The following SLC35D3 variants were observed in gnomAD, a reference collection of about 807,000 sequenced individuals.
SLC35D3 encodes solute carrier family 35 member D3.
A neutral mutation model predicts 20.3 loss-of-function variants in SLC35D3; 18 were observed. The observed-to-expected ratio is 0.89, with a 90% CI of 0.61 to 1.32. The LOEUF (loss-of-function observed/expected upper bound fraction) is 1.32, where lower values mean the gene tolerates loss of function less well. Among genes scored for constraint, SLC35D3 ranks in the 40% most tolerant of loss-of-function variants. The pLI, the probability that SLC35D3 is intolerant of heterozygous loss-of-function variation, is 0.00. For synonymous variants in SLC35D3, 313 were observed against 263.5 expected (o/e 1.19, Z -1.82); for missense variants, 556 against 565.5 (o/e 0.98, Z 0.17).
In SLC35D3 at chr6:136,924,253, G is replaced by A. The variant is rs1310064908; in HGVS notation, c.808G>A (p.Gly270Ser). The A allele has an allele frequency of 6.2e-7, 1 of 1,614,066 alleles. No homozygotes were observed. Residue 270 changes from glycine (G) to serine (S), a missense_variant, in exon 2 of 2, where the codon GGC becomes AGC. Coordinates refer to ENST00000331858, the MANE Select transcript of SLC35D3 (RefSeq NM_001008783.3). ...VVKSIATITV[G>S]MVAFSDVEPT... is the part of the protein sequence containing the mutation. Reference sequence around the variant, plus strand: ...GAAGAGCATCGCCACCATCACGGTGGGCATGGTGGCCTTCAGCGACGTGGA... The same window carrying A: ...GAAGAGCATCGCCACCATCACGGTGAGCATGGTGGCCTTCAGCGACGTGGA...
chr6:136,922,906 C>G lies in SLC35D3; in HGVS notation c.439+39C>G. 2 of 1,480,834 alleles carry G rather than the reference C, an allele frequency of 1.4e-6. No homozygotes were observed. The highest frequency in any genetic ancestry group is 1.8e-6 in the Non-Finnish European group (2 of 1,123,822). 91.7% of individuals were successfully genotyped at this position (1,480,834 alleles called of 1,614,324 possible). ...CGCGCCGACCCCCAGCCGACCCCAC[C>G]CACCCCGCTCCGTCGGGCAGAGACC... On this transcript the variant is annotated intron_variant, in intron 1 of 1. Transcript: ENST00000331858. The surrounding 1 kb of genome is among the most constrained non-coding windows in gnomAD (Gnocchi z 6.8).
chr6:136,924,110 A>T lies in SLC35D3; in HGVS notation c.665A>T (p.Asp222Val). 6.2e-7 allele frequency: 1 copy of T among 1,612,566 alleles called. No individual in the cohort carries two copies. The change falls in exon 2 of 2, where the codon GAC (aspartate) becomes GTC (valine). Residue 222 changes from aspartate (D) to valine (V), a missense_variant. By Grantham distance (152) the Asp-to-Val change is radical (BLOSUM62 -3). Coordinates refer to ENST00000331858, the MANE Select transcript of SLC35D3 (RefSeq NM_001008783.3). ...IHAWTFPGWKDPAMVCIFVAC... is the reference protein window; with the variant it reads ...IHAWTFPGWKVPAMVCIFVAC... ...GCCTGGACCTTCCCGGGCTGGAAGGACCCGGCCATGGTCTGCATCTTCGTG... is the reference window on the plus strand; with the variant it reads ...GCCTGGACCTTCCCGGGCTGGAAGGTCCCGGCCATGGTCTGCATCTTCGTG...
rs1776083346 is a variant in SLC35D3 at position 136,922,913 on chromosome 6, G to T, written c.439+46G>T. ...ACCCCCAGCCGACCCCACCCACCCC[G>T]CTCCGTCGGGCAGAGACCGCGGGGA... On this transcript the variant is annotated intron_variant, in intron 1 of 1. Transcript: ENST00000331858. The surrounding 1 kb of genome is among the most constrained non-coding windows in gnomAD (Gnocchi z 6.8). 2 of 1,460,790 alleles carry T rather than the reference G, an allele frequency of 1.4e-6. No homozygotes were observed. The highest frequency in any genetic ancestry group is 2.4e-5 in the Admixed American group (1 of 41,984). 90.5% of individuals were successfully genotyped at this position (1,460,790 alleles called of 1,614,324 possible). A position where few individuals can be genotyped will look rare whatever the true frequency, so the allele number is the denominator to read the frequency against.
At position 136,925,050 on chromosome 6, in the gene SLC35D3, A is replaced by G. The variant is rs1305627179; in HGVS notation, c.*354A>G. ...CCCCCTCCAAAGATGGAGTGTAGAAATGATGACAGCACTTAGTAAGTTCAA... is the reference window on the plus strand; with the variant it reads ...CCCCCTCCAAAGATGGAGTGTAGAAGTGATGACAGCACTTAGTAAGTTCAA... On this transcript the variant is annotated 3_prime_UTR_variant, in exon 2 of 2. Coordinates refer to ENST00000331858, the MANE Select transcript of SLC35D3 (RefSeq NM_001008783.3). The G allele has an allele frequency of 5.5e-6, 1 of 183,100 alleles. No homozygotes were observed. The highest frequency in any genetic ancestry group is 1.1e-5 in the Non-Finnish European group (1 of 86,986). 11.3% of individuals were successfully genotyped at this position (183,100 alleles called of 1,614,324 possible). A position where few individuals can be genotyped will look rare whatever the true frequency, so the allele number is the denominator to read the frequency against.
At position 136,922,876 on chromosome 6, in the gene SLC35D3, G is replaced by C; in HGVS notation, c.439+9G>C. 2 of 1,519,256 alleles carry C rather than the reference G, an allele frequency of 1.3e-6. No homozygotes were observed. Among genetic ancestry groups the C allele is most frequent in the Non-Finnish European group, 1.8e-6 (2 of 1,139,184 alleles). 94.1% of individuals were successfully genotyped at this position (1,519,256 alleles called of 1,614,324 possible). A position where few individuals can be genotyped will look rare whatever the true frequency, so the allele number is the denominator to read the frequency against. The stretch of plus-strand genomic sequence containing the variant: ...CGGCGCCGCCCTGGCAGGTGAGCGG[G>C]CCCCCGCGCCGACCCCCAGCCGACC... On this transcript the variant is annotated intron_variant, in intron 1 of 1. Transcript: ENST00000331858. This position sits in a 1 kb window ranked among gnomAD's most constrained non-coding sequence, Gnocchi z 6.8.
Position 136,924,768 on chromosome 6 carries a change from A to C in SLC35D3, c.*72A>C. 1 of 1,384,942 alleles carries C rather than the reference A, an allele frequency of 7.2e-7. No homozygotes were observed. The allele number at this position is 1,384,942 out of a possible 1,614,324, so 85.8% of individuals were successfully genotyped here. On this transcript the variant is annotated 3_prime_UTR_variant, in exon 2 of 2. Coordinates refer to ENST00000331858, the MANE Select transcript of SLC35D3 (RefSeq NM_001008783.3). ...GTTAGAAATGACGTGTTTTAATGAG[A>C]GGCCTCCCCGTTTTATTCTTTGAGG...
Position 136,924,664 on chromosome 6 carries a change from T to C in SLC35D3, c.1219T>C (p.Leu407=). ...RGTRYMKKDY[L]IENEELPSP The stretch of plus-strand genomic sequence containing the variant: ...AACCAGGTATATGAAGAAGGATTAT[T>C]TGATAGAAAACGAGGAGTTACCCAG... The change falls in exon 2 of 2, where the codon TTG becomes CTG. Residue 407 remains leucine, a synonymous_variant. Coordinates refer to ENST00000331858, the MANE Select transcript of SLC35D3 (RefSeq NM_001008783.3). 6.2e-7 allele frequency: 1 copy of C among 1,613,298 alleles called. No individual in the cohort carries two copies. The highest frequency in any genetic ancestry group is 8.5e-7 in the Non-Finnish European group (1 of 1,179,544).
Position 136,923,870 on chromosome 6 carries a change from C to A in SLC35D3, c.440-15C>A. 6.7e-7 allele frequency: 1 copy of A among 1,499,640 alleles called. No individual in the cohort carries two copies. Among genetic ancestry groups the A allele is most frequent in the Non-Finnish European group, 8.9e-7 (1 of 1,123,152 alleles). 92.9% of individuals were successfully genotyped at this position (1,499,640 alleles called of 1,614,324 possible). On this transcript the variant is annotated splice_polypyrimidine_tract_variant and intron_variant, in intron 1 of 1. Coordinates refer to ENST00000331858, the MANE Select transcript of SLC35D3 (RefSeq NM_001008783.3). The surrounding 1 kb of genome is among the most constrained non-coding windows in gnomAD (Gnocchi z 6.2). ...CTTCCCGCCCGGGCTCGGCCGTCCTCCTCGTGCGCCGCAGGAGCCGGCGAC... is the reference window on the plus strand; with the variant it reads ...CTTCCCGCCCGGGCTCGGCCGTCCTACTCGTGCGCCGCAGGAGCCGGCGAC...
chr6:136,924,063 CGCCA>C lies in SLC35D3; in HGVS notation c.621_624del (p.Ser208ProfsTer26). The C allele has an allele frequency of 6.2e-7, 1 of 1,610,532 alleles. No individual in the cohort carries two copies. Among genetic ancestry groups the C allele is most frequent in the Non-Finnish European group, 8.5e-7 (1 of 1,179,254 alleles). On this transcript the variant is annotated frameshift_variant, in exon 2 of 2. Coordinates refer to ENST00000331858, the MANE Select transcript of SLC35D3 (RefSeq NM_001008783.3). LOFTEE classifies it high-confidence loss of function. Reference sequence around the variant, plus strand: ...CCCCGCTGCTGGTCATCTGCTCCTTCGCCAGCACCGACTCCATCCACGCCTGGAC... The same window carrying C: ...CCCCGCTGCTGGTCATCTGCTCCTTCGCACCGACTCCATCCACGCCTGGAC...
rs1776078279 is a variant in SLC35D3 at position 136,922,638 on chromosome 6, C to G, written c.210C>G (p.Phe70Leu). ...RRLGLIAVPP[F>L]GLSLARSFAG... is the part of the protein sequence containing the mutation. The stretch of plus-strand genomic sequence containing the variant: ...TCGGGCTCATCGCCGTGCCCCCCTT[C>G]GGTCTGAGCCTGGCGCGCTCCTTCG... Residue 70 changes from phenylalanine to leucine, a missense_variant, in exon 1 of 2, where the codon TTC becomes TTG. By Grantham distance (22) the Phe-to-Leu change is conservative. Coordinates refer to ENST00000331858, the MANE Select transcript of SLC35D3 (RefSeq NM_001008783.3). This position sits in a 1 kb window ranked among gnomAD's most constrained non-coding sequence, Gnocchi z 6.8. 1.2e-6 allele frequency: 2 copies of G among 1,609,684 alleles called. No homozygotes were observed. Among genetic ancestry groups the G allele is most frequent in the African/African-American group, 1.3e-5 (1 of 74,900 alleles).
chr6:136,922,633 C>A lies in SLC35D3; in HGVS notation c.205C>A (p.Pro69Thr), dbSNP rs778298738. ...GCGCCTCGGGCTCATCGCCGTGCCC[C>A]CCTTCGGTCTGAGCCTGGCGCGCTC... ...LRRLGLIAVP[P>T]FGLSLARSFA... Residue 69 changes from proline to threonine, a missense_variant, in exon 1 of 2, where the codon CCC becomes ACC. By Grantham distance (38) the Pro-to-Thr change is conservative (BLOSUM62 -1). Coordinates refer to ENST00000331858, the MANE Select transcript of SLC35D3 (RefSeq NM_001008783.3). This position sits in a 1 kb window ranked among gnomAD's most constrained non-coding sequence, Gnocchi z 6.8. 1.4e-5 allele frequency: 22 copies of A among 1,610,174 alleles called. No homozygotes were observed. The highest frequency in any genetic ancestry group is 1.6e-4 in the Middle Eastern group (1 of 6,068).
chr6:136,924,041 C>A lies in SLC35D3; in HGVS notation c.596C>A (p.Pro199Gln). 6.2e-7 allele frequency: 1 copy of A among 1,607,334 alleles called. No individual in the cohort carries two copies. The highest frequency in any genetic ancestry group is 2.2e-5 in the East Asian group (1 of 44,552). ...AQYVIAVSAT[P>Q]LLVICSFAST... ...TACGTCATCGCCGTCTCTGCCACCCCGCTGCTGGTCATCTGCTCCTTCGCC... is the reference window on the plus strand; with the variant it reads ...TACGTCATCGCCGTCTCTGCCACCCAGCTGCTGGTCATCTGCTCCTTCGCC... The change falls in exon 2 of 2, where the codon CCG becomes CAG. Residue 199 changes from proline (P) to glutamine (Q), a missense_variant. By Grantham distance (76) the Pro-to-Gln change is moderately conservative. Coordinates refer to ENST00000331858, the MANE Select transcript of SLC35D3 (RefSeq NM_001008783.3).
rs919679754 is a variant in SLC35D3 at position 136,924,857 on chromosome 6, C to G, written c.*161C>G. The G allele has an allele frequency of 1.1e-5, 7 of 665,390 alleles. No individual in the cohort carries two copies. Among genetic ancestry groups the G allele is most frequent in the Non-Finnish European group, 1.7e-5 (7 of 415,810 alleles). The allele number at this position is 665,390 out of a possible 1,614,324, so 41.2% of individuals were successfully genotyped here. On this transcript the variant is annotated 3_prime_UTR_variant, in exon 2 of 2. Transcript: ENST00000331858. ...TGACACAGAGCAACAAAATTAGCAC[C>G]TGTGTGAATTATTTAGTGTGACTTC...
chr6:136,924,532 G>A lies in SLC35D3; in HGVS notation c.1087G>A (p.Val363Ile). 6.2e-7 allele frequency: 1 copy of A among 1,613,414 alleles called. No individual in the cohort carries two copies. Among genetic ancestry groups the A allele is most frequent in the East Asian group, 2.2e-5 (1 of 44,872 alleles). The change falls in exon 2 of 2, where the codon GTC becomes ATC. Residue 363 changes from valine to isoleucine, a missense_variant. By Grantham distance (29) the Val-to-Ile change is conservative (BLOSUM62 3). Coordinates refer to ENST00000331858, the MANE Select transcript of SLC35D3 (RefSeq NM_001008783.3). ...GGPAQESRQE[V>I]RGSPRGVPLV... ...CCCCGCTCAGGAGAGCAGGCAAGAG[G>A]TCAGGGGCAGCCCCCGAGGAGTCCC...
In SLC35D3 at chr6:136,923,907, C is replaced by A; in HGVS notation, c.462C>A (p.Asp154Glu). The change falls in exon 2 of 2, where the codon GAC (aspartate) becomes GAA (glutamate). Residue 154 changes from aspartate to glutamate, a missense_variant. Coordinates refer to ENST00000331858, the MANE Select transcript of SLC35D3 (RefSeq NM_001008783.3). The surrounding 1 kb of genome is among the most constrained non-coding windows in gnomAD (Gnocchi z 6.2). ...ALAGAGDLTG[D>E]PIGYVTGVLA... The stretch of plus-strand genomic sequence containing the variant: ...CAGGAGCCGGCGACCTGACGGGCGA[C>A]CCCATCGGGTACGTCACGGGAGTGC... 6.6e-7 allele frequency: 1 copy of A among 1,522,302 alleles called. No individual in the cohort carries two copies. The highest frequency in any genetic ancestry group is 1.2e-5 in the South Asian group (1 of 83,520). The allele number at this position is 1,522,302 out of a possible 1,614,324, so 94.3% of individuals were successfully genotyped here. A position where few individuals can be genotyped will look rare whatever the true frequency, so the allele number is the denominator to read the frequency against.
Position 136,924,212 on chromosome 6 carries a change from G to T in SLC35D3, c.767G>T (p.Ser256Ile). ...TACATCAATTCGGCCGTGACCACCA[G>T]CTTCGTGGGTGTGGTGAAGAGCATC... is the stretch of plus-strand genomic sequence containing the variant. Reference protein sequence around the residue: ...CTYINSAVTTSFVGVVKSIAT... With the variant: ...CTYINSAVTTIFVGVVKSIAT... The change falls in exon 2 of 2, where the codon AGC becomes ATC. Residue 256 changes from serine to isoleucine, a missense_variant. Physicochemically the swap from Ser to Ile is moderately radical, Grantham distance 142. Transcript: ENST00000331858. 6.2e-7 allele frequency: 1 copy of T among 1,613,900 alleles called. No homozygotes were observed. Among genetic ancestry groups the T allele is most frequent in the Non-Finnish European group, 8.5e-7 (1 of 1,180,038 alleles).
Position 136,922,336 on chromosome 6 carries a change from C to A in SLC35D3, c.-93C>A. The A allele has an allele frequency of 9.0e-7, 1 of 1,114,084 alleles. No homozygotes were observed. The highest frequency in any genetic ancestry group is 1.1e-6 in the Non-Finnish European group (1 of 892,686). The allele number at this position is 1,114,084 out of a possible 1,614,324, so 69.0% of individuals were successfully genotyped here. A position where few individuals can be genotyped will look rare whatever the true frequency, so the allele number is the denominator to read the frequency against. On this transcript the variant is annotated 5_prime_UTR_variant, in exon 1 of 2. Transcript: ENST00000331858. The surrounding 1 kb of genome is among the most constrained non-coding windows in gnomAD (Gnocchi z 6.8). ...CCCTGCCCTTCGCCGCCGCGCTGGG[C>A]GGGCGCCCCCGCCGCCCTCACTCCG...
Position 136,923,885 on chromosome 6 carries a change from G to T in SLC35D3, c.440G>T (p.Gly147Val). 1 of 1,507,370 alleles carries T rather than the reference G, an allele frequency of 6.6e-7. No individual in the cohort carries two copies. Among genetic ancestry groups the T allele is most frequent in the Non-Finnish European group, 8.9e-7 (1 of 1,126,470 alleles). 93.4% of individuals were successfully genotyped at this position (1,507,370 alleles called of 1,614,324 possible). A position where few individuals can be genotyped will look rare whatever the true frequency, so the allele number is the denominator to read the frequency against. Residue 147 changes from glycine (G) to valine (V), a missense_variant and splice_region_variant, in exon 2 of 2, where the codon GGA becomes GTA. By Grantham distance (109) the Gly-to-Val change is moderately radical (BLOSUM62 -3). Transcript: ENST00000331858. The surrounding 1 kb of genome is among the most constrained non-coding windows in gnomAD (Gnocchi z 6.2). The stretch of plus-strand genomic sequence containing the variant: ...CGGCCGTCCTCCTCGTGCGCCGCAG[G>T]AGCCGGCGACCTGACGGGCGACCCC... ...LITTCGAALA[G>V]AGDLTGDPIG...
At position 136,924,555 on chromosome 6, in the gene SLC35D3, C is replaced by T. The variant is rs760188514; in HGVS notation, c.1110C>T (p.Val370=). 12 of 1,613,622 alleles carry T rather than the reference C, an allele frequency of 7.4e-6. No homozygotes were observed. Among genetic ancestry groups the T allele is most frequent in the Non-Finnish European group, 1.0e-5 (12 of 1,180,010 alleles). Residue 370 remains valine, a synonymous_variant, in exon 2 of 2, where the codon GTC becomes GTT. Coordinates refer to ENST00000331858, the MANE Select transcript of SLC35D3 (RefSeq NM_001008783.3). Reference sequence around the variant, plus strand: ...AGGTCAGGGGCAGCCCCCGAGGAGTCCCGCTGGTGGCTGGGAGCTCTGAAG... The same window carrying T: ...AGGTCAGGGGCAGCCCCCGAGGAGTTCCGCTGGTGGCTGGGAGCTCTGAAG... ...RQEVRGSPRG[V]PLVAGSSEEG...
Sources: allele counts gnomAD v4.1 joint callset, GRCh38; gene constraint gnomAD v4.1.1; non-coding constraint Gnocchi (gnomAD v3.1); transcripts MANE v1.5; gene names NCBI Gene and HGNC (gene_info 2026-07-23, HGNC 2026-07-21).